The following NDST4 variants were observed in gnomAD, a reference collection of about 807,000 sequenced individuals.
NDST4 encodes N-deacetylase and N-sulfotransferase 4.
Under a neutral mutation model 100.8 loss-of-function variants are expected in NDST4, and 63 were observed. The observed-to-expected ratio is 0.62, with a 90% CI of 0.51 to 0.77. NDST4 has a LOEUF of 0.77. Ranked by LOEUF, NDST4 falls within the 30% of genes least tolerant of loss-of-function variation. NDST4 has a pLI of 0.00. For missense variants in NDST4, 943 were observed against 1,018.4 expected (o/e 0.93, Z 1.01); for synonymous variants, 377 against 361.8 (o/e 1.04, Z -0.48).
At chr4:114,930,253 G>GTAC (rs372133017) in intron 6 of NDST4, among the ~76,000 whole-genome samples, 4 of 152,296 alleles carry the variant, frequency 2.6e-5, no homozygotes, top group Non-Finnish European at 5.9e-5. Flanking sequence ...GTACATTGAG[G>GTAC]ATTAATTCAA....
chr4:114,936,915 T>A (rs895784748), intron 5 of NDST4, among the ~76,000 whole-genome samples: 2 of 152,222 alleles, frequency 1.3e-5, no homozygotes, highest in Non-Finnish European at 2.9e-5. Flanking sequence ...GTTGACAGAA[T>A]AACAACTTGA....
intron 2 of NDST4, among the ~76,000 whole-genome samples, chr4:115,047,415 C>T (rs114840190): frequency 0.014 from 2,200 of 152,070 alleles, 62 homozygotes; most frequent in African/African-American, 0.05. Flanking sequence ...TTAGCATATT[C>T]CTTGCCCTGG....
chr4:114,836,428 G>A (rs1723306391), intron 11 of NDST4, among the ~76,000 whole-genome samples: 1 of 152,124 alleles, frequency 6.6e-6, no homozygotes, highest in African/African-American at 2.4e-5. Flanking sequence ...TTTTCTTTAA[G>A]GGTGTTTAAT....
intron 1 of NDST4, among the ~76,000 whole-genome samples, chr4:115,100,784 T>C (rs1328167442): frequency 2.1e-5 from 3 of 146,304 alleles, no homozygotes; most frequent in Admixed American, 7.0e-5. Flanking sequence ...CAATACCTCG[T>C]TTCTGACAAA....
chr4:115,064,011 G>A (rs2126284671), intron 2 of NDST4, among the ~76,000 whole-genome samples: 1 of 151,998 alleles, frequency 6.6e-6, no homozygotes, highest in East Asian at 1.9e-4. Context: ...ACCAAAGTCA[G>A]CACTTAACGT....
chr4:114,868,155 GA>G (rs897070344), intron 7 of NDST4, among the ~76,000 whole-genome samples: 2 of 152,116 alleles, frequency 1.3e-5, no homozygotes, highest in African/African-American at 4.8e-5. Flanking sequence ...TTTTAAACAT[GA>G]AATATACTGA....
At chr4:114,871,634 T>C (rs551737292) in intron 6 of NDST4, among the ~76,000 whole-genome samples, 1 of 152,142 alleles carries the variant, frequency 6.6e-6, no homozygotes, top group Non-Finnish European at 1.5e-5. Context: ...AATATTTAGT[T>C]CATTAGGCAT....
intron 2 of NDST4, among the ~76,000 whole-genome samples, chr4:115,022,913 T>C (rs769098863): frequency 7.2e-5 from 11 of 152,178 alleles, no homozygotes; most frequent in Non-Finnish European, 1.3e-4. Flanking sequence ...CTCAGCCACG[T>C]AGAACTGAAA....
chr4:115,028,062 A>G (rs1342518576), intron 2 of NDST4, among the ~76,000 whole-genome samples: 1 of 151,956 alleles, frequency 6.6e-6, no homozygotes, highest in Non-Finnish European at 1.5e-5. Flanking sequence ...CTCCGTCTAA[A>G]AAAAAAAAAG....
At chr4:115,013,303 C>T (rs370023681) in intron 2 of NDST4, among the ~76,000 whole-genome samples, 4 of 127,158 alleles carry the variant, frequency 3.1e-5, no homozygotes, top group South Asian at 5.1e-4. Flanking sequence ...ATATTGTATG[C>T]CTGTATCAAA....
At chr4:115,021,019 C>G (rs1727800474) in intron 2 of NDST4, among the ~76,000 whole-genome samples, 1 of 151,968 alleles carries the variant, frequency 6.6e-6, no homozygotes, top group South Asian at 2.1e-4. Context: ...CCTTAAAGAA[C>G]TAAAAGCAAA....
intron 2 of NDST4, among the ~76,000 whole-genome samples, chr4:114,998,031 G>A (rs959137269): frequency 6.6e-5 from 10 of 152,116 alleles, no homozygotes; most frequent in African/African-American, 2.4e-4. Flanking sequence ...CTCCACTGAT[G>A]ACAACTTCTA....
intron 2 of NDST4, among the ~76,000 whole-genome samples, chr4:115,032,195 C>G (rs1255580024): frequency 6.6e-6 from 1 of 152,088 alleles, no homozygotes; most frequent in Non-Finnish European, 1.5e-5. Flanking sequence ...GCTATATAAG[C>G]TGCTTCCTAG....
intron 2 of NDST4, among the ~76,000 whole-genome samples, chr4:115,020,696 T>G (rs1343685815): frequency 1.3e-5 from 2 of 151,758 alleles, no homozygotes; most frequent in Admixed American, 6.6e-5. Flanking sequence ...GAATTTACAA[T>G]GAAGTCAAAC....
chr4:115,083,914 G>A (rs545274559), intron 1 of NDST4, among the ~76,000 whole-genome samples: 23 of 152,200 alleles, frequency 1.5e-4, no homozygotes, highest in East Asian at 5.8e-4. Context: ...TCATAGAAGC[G>A]TGAGAATGGA....
chr4:114,981,119 T>G (rs1726760456), intron 2 of NDST4, among the ~76,000 whole-genome samples: 1 of 151,830 alleles, frequency 6.6e-6, no homozygotes, highest in Admixed American at 6.6e-5. Context: ...ACTTCCAGGG[T>G]GGGAGCGAGA....
At chr4:114,976,091 A>G (rs886443523) in intron 3 of NDST4, among the ~76,000 whole-genome samples, 2 of 152,120 alleles carry the variant, frequency 1.3e-5, no homozygotes, top group African/African-American at 4.8e-5. Flanking sequence ...GGAAAAGCCA[A>G]TAAGACATTG....
At chr4:114,978,854 C>T (rs1308453174) in intron 2 of NDST4, among the ~76,000 whole-genome samples, 1 of 152,026 alleles carries the variant, frequency 6.6e-6, no homozygotes, top group Non-Finnish European at 1.5e-5. Flanking sequence ...CATTATTCTG[C>T]ATTTATTTAT....
chr4:115,067,692 G>A (rs1385970788), intron 2 of NDST4, among the ~76,000 whole-genome samples: 1 of 151,380 alleles, frequency 6.6e-6, no homozygotes, highest in Non-Finnish European at 1.5e-5. Flanking sequence ...ATTACTAATG[G>A]AAGAGTCCTT....
Sources: allele counts gnomAD v4.1 joint callset (sites outside exome capture counted in the v4.1 genomes callset), GRCh38; gene constraint gnomAD v4.1.1; transcripts MANE v1.5; gene names NCBI Gene and HGNC (gene_info 2026-07-23, HGNC 2026-07-21).